The following TGFBI variants were observed in gnomAD, a reference collection of about 807,000 sequenced individuals.
The protein encoded by TGFBI is transforming growth factor beta induced.
A neutral mutation model predicts 73.7 loss-of-function variants in TGFBI; 50 were observed. The ratio of observed to expected loss-of-function variants is 0.68; its 90% CI spans 0.54 to 0.86. The LOEUF is 0.86. Among genes scored for constraint, TGFBI ranks in the 40% least tolerant of loss-of-function variants. The probability of loss-of-function intolerance (pLI) is 0.00; values close to 1 mark genes in which losing one functional copy is unlikely to be tolerated. For synonymous variants in TGFBI, 362 were observed against 360.5 expected (o/e 1.00, Z -0.05); for missense variants, 839 against 877.0 (o/e 0.96, Z 0.55).
intron 7 of TGFBI, 168 bp downstream of exon 7, chr5:136,049,748 C>A: frequency 1.4e-6 from 1 of 712,074 alleles, no homozygotes; most frequent in Non-Finnish European, 2.3e-6. Flanking sequence ...CTAACCGTGT[C>A]TCTAGCAGCC....
At chr5:136,034,445 A>T (rs1282684357) in intron 2 of TGFBI, among the ~76,000 whole-genome samples, 1 of 152,186 alleles carries the variant, frequency 6.6e-6, no homozygotes, top group African/African-American at 2.4e-5. Context: ...GACCCACCTT[A>T]TGGGGTTGTT....
At chr5:136,037,777 T>C (rs1327934849) in intron 2 of TGFBI, among the ~76,000 whole-genome samples, 1 of 152,228 alleles carries the variant, frequency 6.6e-6, no homozygotes, top group African/African-American at 2.4e-5. Context: ...AGCACTGCAT[T>C]AATGCTTAAA....
intron 7 of TGFBI, among the ~76,000 whole-genome samples, chr5:136,050,103 T>C (rs1751508114): frequency 6.6e-6 from 1 of 152,088 alleles, no homozygotes; most frequent in Admixed American, 6.5e-5. Flanking sequence ...GAGGACAAGG[T>C]GGGCGGATCA....
Position 136,040,081 on chromosome 5 carries a change from C to T in TGFBI, c.234-3977C>T, listed in dbSNP as rs142553950. Among the ~76,000 whole-genome samples the T allele has an allele frequency of 2.3e-3, 351 of 152,290 alleles. 1 individual carries two copies. The highest frequency in any genetic ancestry group is 8.1e-3 in the African/African-American group (336 of 41,540). On this transcript the variant is annotated intron_variant, in intron 2 of 16. Transcript: ENST00000442011. ...TACGGCCAGAGCAGCCGGCCAAATC[C>T]GTGAAGTGCAGTGGTTGTTTTAAAT...
intron 1 of TGFBI, among the ~76,000 whole-genome samples, chr5:136,032,923 A>G (rs866049660): frequency 6.6e-6 from 1 of 152,096 alleles, no homozygotes; most frequent in African/African-American, 2.4e-5. Flanking sequence ...ACCCCCAGAC[A>G]TTTACACTCT....
In TGFBI at chr5:136,054,773, A is replaced by G; in HGVS notation, c.1322A>G (p.Lys441Arg). The change falls in exon 10 of 17, where the codon AAA becomes AGA. Residue 441 changes from lysine to arginine, a missense_variant. Transcript: ENST00000442011. ...TRNLLRNHII[K>R]DQLASKYLYH... ...AATTTGCTTCGGAACCACATAATTA[A>G]AGACCAGCTGGCCTCTAAGTATCTG... 2 of 1,613,932 alleles carry G rather than the reference A, an allele frequency of 1.2e-6. No homozygotes were observed. The highest frequency in any genetic ancestry group is 8.5e-7 in the Non-Finnish European group (1 of 1,179,862).
In TGFBI at chr5:136,038,552, TA is replaced by T. The variant is rs779020987; in HGVS notation, c.233+4702del. ...CAACATGGTGAAACTCCCCCTCTAGTAAAAAAAAAAATACAAAAATTAGCCA... is the reference window on the plus strand; with the variant it reads ...CAACATGGTGAAACTCCCCCTCTAGTAAAAAAAAAATACAAAAATTAGCCA... On this transcript the variant is annotated intron_variant, in intron 2 of 16. Coordinates refer to ENST00000442011, the MANE Select transcript of TGFBI (RefSeq NM_000358.3). Among the ~76,000 whole-genome samples, 142 of 144,844 alleles carry T rather than the reference TA, an allele frequency of 9.8e-4. 1 individual carries two copies. The highest frequency in any genetic ancestry group is 3.2e-3 in the Admixed American group (46 of 14,462).
chr5:136,062,718 A>G (rs145436664), intron 16 of TGFBI, 31 bp downstream of exon 16: 35 of 1,559,996 alleles, frequency 2.2e-5, no homozygotes, highest in Admixed American at 2.1e-4. Flanking sequence ...AAGTCATTGC[A>G]GACCTGTTTA....
intron 12 of TGFBI, among the ~76,000 whole-genome samples, chr5:136,058,304 G>C (rs143034730): frequency 6.6e-6 from 1 of 152,316 alleles, no homozygotes; most frequent in East Asian, 1.9e-4. Flanking sequence ...GGAAATAGCT[G>C]TTCATAAGCC....
chr5:136,033,293 G>A (rs1047072449), intron 1 of TGFBI, among the ~76,000 whole-genome samples: 1 of 152,126 alleles, frequency 6.6e-6, no homozygotes, highest in Admixed American at 6.5e-5. Flanking sequence ...ACAACTGAGA[G>A]TTAAATGGGA....
chr5:136,043,982 T>G, intron 2 of TGFBI, 76 bp from the exon 3 acceptor site: 1 of 1,274,054 alleles, frequency 7.8e-7, no homozygotes, highest in Non-Finnish European at 1.1e-6. Context: ...GGAGGCAACT[T>G]AGTGGAGAGG....
At chr5:136,042,355 G>GA (rs1294401188) in intron 2 of TGFBI, among the ~76,000 whole-genome samples, 3 of 152,186 alleles carry the variant, frequency 2.0e-5, no homozygotes, top group Non-Finnish European at 1.5e-5. Flanking sequence ...CATAGACCAA[G>GA]AAACTGAGAC....
intron 3 of TGFBI, 66 bp from the exon 4 acceptor site, chr5:136,046,269 G>A: frequency 6.3e-7 from 1 of 1,589,302 alleles, no homozygotes. Context: ...CTCTGTCAGA[G>A]AAGGGAGGGT....
chr5:136,055,194 T>C (rs1751608560), intron 10 of TGFBI: 1 of 282,634 alleles, frequency 3.5e-6, no homozygotes, highest in African/African-American at 2.2e-5. Flanking sequence ...CCCCCTAAAC[T>C]AAAATACAGC....
intron 2 of TGFBI, among the ~76,000 whole-genome samples, chr5:136,042,100 C>T (rs1235292608): frequency 6.6e-6 from 1 of 152,162 alleles, no homozygotes; most frequent in African/African-American, 2.4e-5. Context: ...GGGACTTGAC[C>T]TAATCCCACA....
chr5:136,043,542 A>G (rs576419688), intron 2 of TGFBI, among the ~76,000 whole-genome samples: 35 of 152,354 alleles, frequency 2.3e-4, no homozygotes, highest in Non-Finnish European at 8.8e-5. Flanking sequence ...CTAGAAAATC[A>G]TGAGAGATTT....
chr5:136,030,967 G>C (rs1309506603), intron 1 of TGFBI, among the ~76,000 whole-genome samples: 1 of 152,188 alleles, frequency 6.6e-6, no homozygotes, highest in Non-Finnish European at 1.5e-5. Context: ...GTGCTGACCA[G>C]CTGGAAAACA....
chr5:136,061,575 C>T lies in TGFBI; in HGVS notation c.1982C>T (p.Ser661Phe), dbSNP rs778881982. The change falls in exon 15 of 17, where the codon TCC becomes TTC. Residue 661 changes from serine (S) to phenylalanine (F), a missense_variant. Coordinates refer to ENST00000442011, the MANE Select transcript of TGFBI (RefSeq NM_000358.3). ...ATCTTCAAACAAGCATCAGCGTTTT[C>T]CAGGGTAAGATGCCTGCTAGGTTTG... The part of the protein sequence containing the change: ...LEIFKQASAF[S>F]RASQRSVRLA... 2.5e-6 allele frequency: 4 copies of T among 1,613,474 alleles called. No homozygotes were observed. Among genetic ancestry groups the T allele is most frequent in the Non-Finnish European group, 3.4e-6 (4 of 1,179,652 alleles).
intron 16 of TGFBI, 106 bp downstream of exon 16, chr5:136,062,793 A>T (rs1421830480): frequency 1.6e-6 from 2 of 1,260,350 alleles, no homozygotes; most frequent in African/African-American, 1.5e-5. Context: ...ATCATGGTGC[A>T]GTAAAAGAAG....
Sources: gnomAD v4.1 joint callset for allele counts (sites outside exome capture counted in the v4.1 genomes callset) on GRCh38, gnomAD v4.1.1 for gene constraint, MANE v1.5 for transcripts, NCBI Gene and HGNC (gene_info 2026-07-23, HGNC 2026-07-21) for gene names.